The following PARD3B variants were observed in gnomAD, a reference collection of about 807,000 sequenced individuals.
PARD3B encodes partitioning defective 3 homolog B.
A neutral mutation model predicts 130.2 loss-of-function variants in PARD3B; 103 were observed. The ratio of observed to expected loss-of-function variants is 0.79; its 90% confidence interval spans 0.67 to 0.93. The LOEUF (loss-of-function observed/expected upper bound fraction) is 0.93, where lower values mean the gene tolerates loss of function less well. Ranked by LOEUF, PARD3B falls within the 40% of genes least tolerant of loss-of-function variation. PARD3B has a pLI of 0.00. For missense variants in PARD3B, 1,609 were observed against 1,499.2 expected (o/e 1.07, Z -1.21); for synonymous variants, 583 against 553.2 (o/e 1.05, Z -0.76).
chr2:204,861,109 G>GGCT (rs1218310502), intron 2 of PARD3B, among the ~76,000 whole-genome samples: 1 of 150,422 alleles, frequency 6.6e-6, no homozygotes, highest in Non-Finnish European at 1.5e-5. Context: ...TTTCATTGGG[G>GGCT]GCTGCTACAA....
In PARD3B at chr2:205,230,548, G is replaced by A. The variant is rs1456693020; in HGVS notation, c.2141-15230G>A. 6.6e-6 allele frequency among the ~76,000 whole-genome samples: 1 copy of A among 152,114 alleles called. No individual in the cohort carries two copies. The highest frequency in any genetic ancestry group is 1.9e-4 in the East Asian group (1 of 5,182). ...TAACTCTTCCCTCTTTTCTCCTCTA[G>A]CAGAAGGCAGGAGTCTCTCCTGGAG... On this transcript the variant is annotated intron_variant, in intron 15 of 22. Coordinates refer to ENST00000406610, the MANE Select transcript of PARD3B (RefSeq NM_001302769.2). The surrounding 1 kb of genome is among the most constrained non-coding windows in gnomAD (Gnocchi z 4.1).
chr2:204,854,907 A>T (rs569365312), intron 2 of PARD3B, among the ~76,000 whole-genome samples: 1 of 152,258 alleles, frequency 6.6e-6, no homozygotes, highest in African/African-American at 2.4e-5. Context: ...GAAGAGAAAG[A>T]AAAAATAGCT....
chr2:204,957,381 A>G (rs886475868), intron 2 of PARD3B, among the ~76,000 whole-genome samples: 3 of 152,184 alleles, frequency 2.0e-5, no homozygotes, highest in African/African-American at 7.2e-5. Flanking sequence ...TTTTCAGTAC[A>G]GTTGAATAAG....
At chr2:205,000,073 T>C (rs1694703819) in intron 3 of PARD3B, among the ~76,000 whole-genome samples, 1 of 151,972 alleles carries the variant, frequency 6.6e-6, no homozygotes, top group Non-Finnish European at 1.5e-5. Context: ...CATGCATCTG[T>C]TGGGGTATAC....
At chr2:204,800,105 C>T (rs529027398) in intron 2 of PARD3B, among the ~76,000 whole-genome samples, 76 of 152,170 alleles carry the variant, frequency 5.0e-4, no homozygotes, top group Non-Finnish European at 9.6e-4. Context: ...ATAGCTGTTC[C>T]GAGGAAGATC....
rs193057068 is a variant in PARD3B at position 205,040,373 on chromosome 2, G to A, written c.395-7208G>A. Among the ~76,000 whole-genome samples, 9 of 152,298 alleles carry A rather than the reference G, an allele frequency of 5.9e-5. No homozygotes were observed. In the East Asian group the frequency reaches 1.7e-3, roughly 29 times the overall value. ...GCTCATTTAGCCAGCAAGAAAAGGGGGAGCAGCTTCTTTGAGGTGACAGTG... is the reference window on the plus strand; with the variant it reads ...GCTCATTTAGCCAGCAAGAAAAGGGAGAGCAGCTTCTTTGAGGTGACAGTG... On this transcript the variant is annotated intron_variant, in intron 3 of 22. Coordinates refer to ENST00000406610, the MANE Select transcript of PARD3B (RefSeq NM_001302769.2).
chr2:205,154,787 A>G (rs1475330772), intron 10 of PARD3B, among the ~76,000 whole-genome samples: 1 of 152,200 alleles, frequency 6.6e-6, no homozygotes, highest in African/African-American at 2.4e-5. Flanking sequence ...TGAGCAAACT[A>G]TCGCAAGGAC....
At chr2:205,370,974 C>G (rs1159474138) in intron 18 of PARD3B, among the ~76,000 whole-genome samples, 1 of 152,130 alleles carries the variant, frequency 6.6e-6, no homozygotes, top group Non-Finnish European at 1.5e-5. Context: ...AGGGGGGCAG[C>G]TGTGGGCACC....
intron 18 of PARD3B, among the ~76,000 whole-genome samples, chr2:205,367,080 T>C (rs1046226548): frequency 6.6e-5 from 10 of 152,250 alleles, no homozygotes; most frequent in African/African-American, 2.2e-4. Flanking sequence ...TTTCTACTGA[T>C]ACCTTCAAAT....
intron 2 of PARD3B, among the ~76,000 whole-genome samples, chr2:204,825,579 G>A (rs190102407): frequency 2.3e-4 from 35 of 152,284 alleles, no homozygotes; most frequent in Admixed American, 7.8e-4. Context: ...GCACATAGCA[G>A]CAATATTTTC....
intron 2 of PARD3B, among the ~76,000 whole-genome samples, chr2:204,786,806 A>G (rs2042024949): frequency 6.6e-6 from 1 of 151,840 alleles, no homozygotes; most frequent in African/African-American, 2.4e-5. Flanking sequence ...CGTATTCATC[A>G]TGATACAGAT....
chr2:204,677,120 C>A lies in PARD3B; in HGVS notation c.121-9061C>A, dbSNP rs150222201. Among the ~76,000 whole-genome samples the A allele has an allele frequency of 6.6e-6, 1 of 152,260 alleles. No homozygotes were observed. The highest frequency in any genetic ancestry group is 2.4e-5 in the African/African-American group (1 of 41,562). On this transcript the variant is annotated intron_variant, in intron 1 of 22. Transcript: ENST00000406610. The surrounding 1 kb of genome is among the most constrained non-coding windows in gnomAD (Gnocchi z 4.1). ...GGAGATCTCCTATGGTCATTTAACT[C>A]TCTGCTGTTACCTCTGTTGTCTCAG... is the stretch of plus-strand genomic sequence containing the variant.
At chr2:205,534,565 T>C (rs890426884) in intron 21 of PARD3B, among the ~76,000 whole-genome samples, 2 of 151,904 alleles carry the variant, frequency 1.3e-5, no homozygotes, top group African/African-American at 4.8e-5. Flanking sequence ...ACCTCCTGGG[T>C]TCAAGCTATT....
rs139326747 is a variant in PARD3B, at chr2:204,778,055, G to C, written c.222+91773G>C. ...GAGGCCTCCCTAGCCATGTGGAACT[G>C]AGAGTCAGTTAAACTTCCTTTGTTT... is the stretch of plus-strand genomic sequence containing the variant. On this transcript the variant is annotated intron_variant, in intron 2 of 22. Transcript: ENST00000406610. Among the ~76,000 whole-genome samples the C allele has an allele frequency of 5.0e-4, 75 of 151,508 alleles. 1 individual carries two copies. The highest frequency in any genetic ancestry group is 1.7e-3 in the African/African-American group (71 of 41,190).
chr2:205,452,950 T>G (rs549399590), intron 20 of PARD3B, among the ~76,000 whole-genome samples: 2 of 152,350 alleles, frequency 1.3e-5, no homozygotes, highest in East Asian at 3.9e-4. Context: ...TTTAAGCATT[T>G]AAGCATTGAC....
intron 4 of PARD3B, among the ~76,000 whole-genome samples, chr2:205,058,579 T>G (rs921286215): frequency 4.6e-5 from 7 of 152,036 alleles, no homozygotes; most frequent in Non-Finnish European, 4.4e-5. Flanking sequence ...AGTTCCAGTT[T>G]CTCCACATCC....
At chr2:204,903,562 T>C (rs1274255187) in intron 2 of PARD3B, among the ~76,000 whole-genome samples, 1 of 152,192 alleles carries the variant, frequency 6.6e-6, no homozygotes, top group Non-Finnish European at 1.5e-5. Context: ...CCAAGAATAC[T>C]TACATGTTGC....
chr2:205,156,156 G>A lies in PARD3B; in HGVS notation c.1435-2566G>A, dbSNP rs1236367162. Among the ~76,000 whole-genome samples, 61 of 147,844 alleles carry A rather than the reference G, an allele frequency of 4.1e-4. No homozygotes were observed. The East Asian group carries it at 4.2e-3, about 10-fold the overall frequency. ...AAATCATCATTCTCAGTAAACTATC[G>A]CAAGGACAAAAAACCAAACACCACA... On this transcript the variant is annotated intron_variant, in intron 10 of 22. Transcript: ENST00000406610.
At chr2:205,179,848 A>T (rs1050452284) in intron 13 of PARD3B, among the ~76,000 whole-genome samples, 1 of 150,938 alleles carries the variant, frequency 6.6e-6, no homozygotes, top group African/African-American at 2.4e-5. Flanking sequence ...ATACATCCAG[A>T]AAACAAAAAA....
Sources: allele counts gnomAD v4.1 joint callset (sites outside exome capture counted in the v4.1 genomes callset), GRCh38; gene constraint gnomAD v4.1.1; non-coding constraint Gnocchi (gnomAD v3.1); transcripts MANE v1.5; gene names NCBI Gene and HGNC (gene_info 2026-07-23, HGNC 2026-07-21).